KIAA0319L: variants seen among roughly 807,000 people sequenced by gnomAD.
KIAA0319L encodes the protein dyslexia-associated protein KIAA0319-like protein.
A neutral mutation model predicts 120.1 loss-of-function variants in KIAA0319L; 55 were observed. That is an observed-to-expected ratio of 0.46 (90% CI 0.37 to 0.57). KIAA0319L has a LOEUF of 0.57. KIAA0319L is among the 20% of genes least tolerant of loss of function. The pLI is 0.00. For missense variants in KIAA0319L, 1,049 were observed against 1,255.3 expected (o/e 0.84, Z 2.48); for synonymous variants, 398 against 471.9 (o/e 0.84, Z 2.03).
At chr1:35,532,939 A>C (rs1019386394) in intron 2 of KIAA0319L, among the ~76,000 whole-genome samples, 1 of 152,212 alleles carries the variant, frequency 6.6e-6, no homozygotes, top group African/African-American at 2.4e-5. Context: ...AGGATCCCCA[A>C]AACAGGAGGC....
chr1:35,500,551 A>G (rs934805537), intron 3 of KIAA0319L, among the ~76,000 whole-genome samples: 1 of 152,264 alleles, frequency 6.6e-6, no homozygotes, highest in East Asian at 1.9e-4. Flanking sequence ...AAAAATGCAG[A>G]CTGACAATCC....
At chr1:35,462,750 G>GA in intron 7 of KIAA0319L, 37 bp from the exon 8 acceptor site, 1 of 1,503,726 alleles carries the variant, frequency 6.7e-7, no homozygotes, top group Non-Finnish European at 9.3e-7. Flanking sequence ...TGGGAAAGAG[G>GA]CTTCAGAAAT....
rs532372190 is a variant in KIAA0319L, at chr1:35,434,060, T to A, written c.*834A>T. 6.6e-6 allele frequency: 1 copy of A among 150,656 alleles called. No individual in the cohort carries two copies. The highest frequency in any genetic ancestry group is 2.4e-5 in the African/African-American group (1 of 40,914). 9.3% of individuals were successfully genotyped at this position (150,656 alleles called of 1,614,324 possible). A position where few individuals can be genotyped will look rare whatever the true frequency, so the allele number is the denominator to read the frequency against. On this transcript the variant is annotated 3_prime_UTR_variant, in exon 21 of 21. Coordinates refer to ENST00000325722, the MANE Select transcript of KIAA0319L (RefSeq NM_024874.5). ...GGAGAAGGGAGTGGGGCTCCAGTGTTAAGGGGGGGCCAGATATCATTTCTT... is the reference window on the plus strand; with the variant it reads ...GGAGAAGGGAGTGGGGCTCCAGTGTAAAGGGGGGGCCAGATATCATTTCTT...
chr1:35,526,631 G>A (rs1215604174), intron 2 of KIAA0319L, among the ~76,000 whole-genome samples: 1 of 151,706 alleles, frequency 6.6e-6, no homozygotes, highest in Admixed American at 6.6e-5. Flanking sequence ...ATTTTTTGTA[G>A]AGATGAGGTC....
intron 16 of KIAA0319L, among the ~76,000 whole-genome samples, chr1:35,446,339 C>A (rs1439201081): frequency 1.3e-5 from 2 of 152,124 alleles, no homozygotes; most frequent in Non-Finnish European, 2.9e-5. Context: ...TCACAAACTT[C>A]CTATTTTAAA....
intron 3 of KIAA0319L, among the ~76,000 whole-genome samples, chr1:35,497,274 GTAA>G (rs1409351450): frequency 6.6e-6 from 1 of 151,688 alleles, no homozygotes; most frequent in East Asian, 1.9e-4. Flanking sequence ...AAACTGGATT[GTAA>G]TAATGATTTA....
chr1:35,540,141 T>A (rs1646734656), intron 2 of KIAA0319L, among the ~76,000 whole-genome samples: 1 of 152,156 alleles, frequency 6.6e-6, no homozygotes, highest in African/African-American at 2.4e-5. Flanking sequence ...TGGGCACCCA[T>A]CTTTAGGGCA....
At chr1:35,439,518 A>C (rs1641045192) in intron 20 of KIAA0319L, 1 of 152,252 alleles carries the variant, frequency 6.6e-6, no homozygotes, top group African/African-American at 2.4e-5. Context: ...CAGGGATTTC[A>C]CTGATGGGTG....
At chr1:35,538,074 C>T (rs972360974) in intron 2 of KIAA0319L, among the ~76,000 whole-genome samples, 2 of 152,154 alleles carry the variant, frequency 1.3e-5, no homozygotes, top group African/African-American at 4.8e-5. Context: ...CTGCCCCATT[C>T]TTTGTGTTCC....
At chr1:35,481,291 TTAGG>T (rs1373431383) in intron 3 of KIAA0319L, among the ~76,000 whole-genome samples, 2 of 152,234 alleles carry the variant, frequency 1.3e-5, no homozygotes, top group Non-Finnish European at 2.9e-5. Flanking sequence ...CTAATTTATC[TTAGG>T]TAGTTACTTA....
chr1:35,500,885 A>G (rs1644980146), intron 3 of KIAA0319L, among the ~76,000 whole-genome samples: 1 of 152,138 alleles, frequency 6.6e-6, no homozygotes, highest in Non-Finnish European at 1.5e-5. Flanking sequence ...GCTCCTAAGC[A>G]TGATATATAA....
chr1:35,463,569 C>T (rs1174619729), intron 7 of KIAA0319L, among the ~76,000 whole-genome samples: 1 of 152,202 alleles, frequency 6.6e-6, no homozygotes, highest in Non-Finnish European at 1.5e-5. Flanking sequence ...CTGTGTGCTA[C>T]AAATCCATGG....
Position 35,507,150 on chromosome 1 carries a change from T to C in KIAA0319L, c.143-15A>G. The stretch of plus-strand genomic sequence containing the variant: ...CTCACTGGCATCTAAAAACAAAGAA[T>C]GAAAACATTTTCAGATGAAATAAAA... On this transcript the variant is annotated splice_polypyrimidine_tract_variant and intron_variant, in intron 2 of 20. Transcript: ENST00000325722. 1 of 1,513,546 alleles carries C rather than the reference T, an allele frequency of 6.6e-7. No homozygotes were observed. The highest frequency in any genetic ancestry group is 2.3e-5 in the East Asian group (1 of 43,826). 93.8% of individuals were successfully genotyped at this position (1,513,546 alleles called of 1,614,324 possible).
At chr1:35,482,826 C>T (rs1644229453) in intron 3 of KIAA0319L, among the ~76,000 whole-genome samples, 1 of 152,180 alleles carries the variant, frequency 6.6e-6, no homozygotes, top group Non-Finnish European at 1.5e-5. Flanking sequence ...TTTCAAGAAA[C>T]TGCCAAACCA....
At chr1:35,476,516 G>A (rs1040504514) in intron 4 of KIAA0319L, among the ~76,000 whole-genome samples, 1 of 152,150 alleles carries the variant, frequency 6.6e-6, no homozygotes, top group Non-Finnish European at 1.5e-5. Context: ...CATTGCACTT[G>A]AGGAGAAATG....
chr1:35,539,212 T>C (rs533375074), intron 2 of KIAA0319L, among the ~76,000 whole-genome samples: 1 of 152,078 alleles, frequency 6.6e-6, no homozygotes, highest in East Asian at 1.9e-4. Context: ...CCACATGAAA[T>C]ACAAAAGAGT....
chr1:35,506,849 T>C lies in KIAA0319L; in HGVS notation c.429A>G (p.Leu143=). The change falls in exon 3 of 21, where the codon CTA becomes CTG. Residue 143 remains leucine, a synonymous_variant. Coordinates refer to ENST00000325722, the MANE Select transcript of KIAA0319L (RefSeq NM_024874.5). This position sits in a 1 kb window ranked among gnomAD's most constrained non-coding sequence, Gnocchi z 4.0. ...GAAGATGTGGTACATCATCTTCAGG[T>C]AGAAAGCCCAAATCATCTGCAGTTT... ...KFQTADDLGF[L]PEDDVPHLLG... 1.9e-6 allele frequency: 3 copies of C among 1,614,116 alleles called. No homozygotes were observed. The highest frequency in any genetic ancestry group is 2.5e-6 in the Non-Finnish European group (3 of 1,180,012).
At chr1:35,447,383 C>T (rs139493073) in intron 16 of KIAA0319L, among the ~76,000 whole-genome samples, 1,670 of 152,146 alleles carry the variant, frequency 0.011, 15 homozygotes, top group Non-Finnish European at 0.016. Context: ...TAACTGTTCT[C>T]AATCTCCACT....
At chr1:35,477,451 A>G (rs903131424) in intron 4 of KIAA0319L, among the ~76,000 whole-genome samples, 1 of 152,126 alleles carries the variant, frequency 6.6e-6, no homozygotes, top group East Asian at 1.9e-4. Flanking sequence ...ACGGATCACA[A>G]GGTCAGGAGA....
Sources: gnomAD v4.1 joint callset for allele counts (sites outside exome capture counted in the v4.1 genomes callset) on GRCh38, gnomAD v4.1.1 for gene constraint, Gnocchi (gnomAD v3.1) non-coding constraint, MANE v1.5 for transcripts, NCBI Gene and HGNC (gene_info 2026-07-23, HGNC 2026-07-21) for gene names.